KIAA0825: variants seen among roughly 807,000 people sequenced by gnomAD.
KIAA0825 encodes uncharacterized protein KIAA0825.
KIAA0825 carries 119 observed loss-of-function variants against 147.6 expected under a neutral mutation model. The observed-to-expected ratio is 0.81, with a 90% CI of 0.69 to 0.94. The LOEUF is 0.94. Among genes scored for constraint, KIAA0825 ranks in the 40% least tolerant of loss-of-function variants. The pLI, the probability that KIAA0825 is intolerant of heterozygous loss-of-function variation, is 0.00. For missense variants in KIAA0825, 1,381 were observed against 1,472.7 expected, an observed-to-expected ratio of 0.94 and a Z score of 1.02; for synonymous variants, 470 against 518.1, an observed-to-expected ratio of 0.91 and a Z score of 1.26.
chr5:94,433,817 A>G (rs1756002823), intron 14 of KIAA0825, among the ~76,000 whole-genome samples: 1 of 152,252 alleles, frequency 6.6e-6, no homozygotes, highest in South Asian at 2.1e-4. Context: ...TATTATCAGA[A>G]GTCAAGAAGT....
chr5:94,557,340 C>T (rs1454496033), intron 2 of KIAA0825, among the ~76,000 whole-genome samples: 1 of 151,758 alleles, frequency 6.6e-6, no homozygotes, highest in Non-Finnish European at 1.5e-5. Context: ...TGGGCTCAAG[C>T]AATCCACATG....
intron 6 of KIAA0825, among the ~76,000 whole-genome samples, chr5:94,477,705 C>CAT (rs1562538286): frequency 6.6e-6 from 1 of 151,964 alleles, no homozygotes; most frequent in Admixed American, 6.6e-5. Context: ...TACCCTTAAG[C>CAT]ATATCAACGA....
chr5:94,510,728 T>A (rs1156764283), intron 5 of KIAA0825, among the ~76,000 whole-genome samples: 1 of 152,214 alleles, frequency 6.6e-6, no homozygotes, highest in Non-Finnish European at 1.5e-5. Flanking sequence ...CCATAATAAC[T>A]TTTAAACATT....
At chr5:94,198,324 A>G (rs898197009) in intron 20 of KIAA0825, among the ~76,000 whole-genome samples, 2 of 152,040 alleles carry the variant, frequency 1.3e-5, no homozygotes, top group Non-Finnish European at 2.9e-5. Flanking sequence ...CTGAATCTTT[A>G]CTGAAGTTAT....
intron 2 of KIAA0825, among the ~76,000 whole-genome samples, chr5:94,571,758 G>T (rs768867051): frequency 3.3e-5 from 5 of 152,104 alleles, no homozygotes; most frequent in Non-Finnish European, 7.4e-5. Flanking sequence ...AGTTATACAT[G>T]AATTATTTCC....
intron 4 of KIAA0825, among the ~76,000 whole-genome samples, chr5:94,522,480 T>G (rs1021226253): frequency 6.6e-6 from 1 of 151,728 alleles, no homozygotes; most frequent in Non-Finnish European, 1.5e-5. Flanking sequence ...AATAATAGAT[T>G]ACAGAGGTTT....
At position 94,546,464 on chromosome 5, in the gene KIAA0825, G is replaced by C. The variant is rs538647336; in HGVS notation, c.-1-9337C>G. Among the ~76,000 whole-genome samples, 4 of 152,206 alleles carry C rather than the reference G, an allele frequency of 2.6e-5. No individual in the cohort carries two copies. The South Asian group carries it at 8.3e-4, about 32-fold the overall frequency. On this transcript the variant is annotated intron_variant, in intron 2 of 20. Coordinates refer to ENST00000682413, the MANE Select transcript of KIAA0825 (RefSeq NM_001145678.3). ...CTGACCCAAGGAAGTTCTAGTGGTG[G>C]TGGCCACAGGGGTGCTTATATTACC... is the stretch of plus-strand genomic sequence containing the variant.
intron 20 of KIAA0825, among the ~76,000 whole-genome samples, chr5:94,228,021 A>G (rs1774360088): frequency 6.6e-6 from 1 of 152,174 alleles, no homozygotes. Flanking sequence ...ACTGTGAGAG[A>G]AACTAGAAGA....
chr5:94,490,693 T>C (rs72771685), intron 5 of KIAA0825, among the ~76,000 whole-genome samples: 29,142 of 151,930 alleles, frequency 0.19, 3,338 homozygotes, highest in East Asian at 0.32. Context: ...TAAATATATA[T>C]ATAGGTATTA....
chr5:94,222,880 A>G (rs1468439006), intron 20 of KIAA0825, among the ~76,000 whole-genome samples: 2 of 152,190 alleles, frequency 1.3e-5, no homozygotes, highest in Non-Finnish European at 1.5e-5. Flanking sequence ...ATGCTGTGAT[A>G]TACATTGTGA....
At chr5:94,369,867 C>T (rs935788581) in intron 20 of KIAA0825, among the ~76,000 whole-genome samples, 1 of 152,020 alleles carries the variant, frequency 6.6e-6, no homozygotes, top group Admixed American at 6.6e-5. Context: ...GCATAAAACA[C>T]AAGAAGCCAT....
chr5:94,419,022 A>C (rs1753834582), intron 14 of KIAA0825, among the ~76,000 whole-genome samples: 2 of 152,000 alleles, frequency 1.3e-5, no homozygotes, highest in Admixed American at 1.3e-4. Context: ...TAAGGTGTGC[A>C]TCACCACACC....
At chr5:94,542,724 T>C (rs1584835635) in intron 2 of KIAA0825, among the ~76,000 whole-genome samples, 1 of 152,110 alleles carries the variant, frequency 6.6e-6, no homozygotes, top group Middle Eastern at 3.4e-3. Context: ...GGAGAATCAC[T>C]TGAACCTGGG....
At chr5:94,611,006 C>T (rs187406804) in intron 1 of KIAA0825, among the ~76,000 whole-genome samples, 7 of 152,044 alleles carry the variant, frequency 4.6e-5, no homozygotes, top group African/African-American at 9.6e-5. Context: ...GGCATGACTG[C>T]TAGTTGCTAG....
chr5:94,211,719 CT>C (rs929456409), intron 20 of KIAA0825, among the ~76,000 whole-genome samples: 1 of 152,032 alleles, frequency 6.6e-6, no homozygotes, highest in Non-Finnish European at 1.5e-5. Flanking sequence ...GTATTTTGCC[CT>C]TTTTTTGTAG....
At chr5:94,433,634 T>C (rs1755982569) in intron 14 of KIAA0825, among the ~76,000 whole-genome samples, 1 of 152,228 alleles carries the variant, frequency 6.6e-6, no homozygotes. Context: ...GCAACTTGGA[T>C]TTCTCTGTGT....
chr5:94,420,358 C>T (rs1463463182), intron 14 of KIAA0825, among the ~76,000 whole-genome samples: 1 of 152,044 alleles, frequency 6.6e-6, no homozygotes, highest in African/African-American at 2.4e-5. Context: ...CCCAAGGTCA[C>T]AAAAATAGTA....
chr5:94,248,870 A>G (rs994133677), intron 20 of KIAA0825, among the ~76,000 whole-genome samples: 3 of 152,122 alleles, frequency 2.0e-5, no homozygotes, highest in Non-Finnish European at 2.9e-5. Context: ...TAAACCTGCA[A>G]TTTCAGCCTG....
At chr5:94,414,902 C>A (rs1189690127) in intron 15 of KIAA0825, 1 of 152,170 alleles carries the variant, frequency 6.6e-6, no homozygotes, top group African/African-American at 2.4e-5. Flanking sequence ...TGGTTGTTTG[C>A]TCCTTATGAG....
Sources: gnomAD v4.1 joint callset for allele counts (sites outside exome capture counted in the v4.1 genomes callset) on GRCh38, gnomAD v4.1.1 for gene constraint, MANE v1.5 for transcripts, NCBI Gene and HGNC (gene_info 2026-07-23, HGNC 2026-07-21) for gene names.